MARCHF8: variants seen among roughly 807,000 people sequenced by gnomAD.
MARCHF8 encodes E3 ubiquitin-protein ligase MARCHF8.
A neutral mutation model predicts 51.6 loss-of-function variants in MARCHF8; 40 were observed. That is an observed-to-expected ratio of 0.77 (90% confidence interval 0.60 to 1.01). The LOEUF is 1.01. MARCHF8 is among the 50% of genes least tolerant of loss of function. The pLI, the probability that MARCHF8 is intolerant of heterozygous loss-of-function variation, is 0.00. For synonymous variants in MARCHF8, 263 were observed against 280.3 expected, an observed-to-expected ratio of 0.94 and a Z score of 0.62; for missense variants, 685 against 708.6, an observed-to-expected ratio of 0.97 and a Z score of 0.38.
chr10:45,542,514 C>A (rs1236262695), intron 1 of MARCHF8, among the ~76,000 whole-genome samples: 2 of 151,940 alleles, frequency 1.3e-5, no homozygotes, highest in African/African-American at 4.8e-5. Flanking sequence ...TTACTCCAAG[C>A]CTCGATGGGA....
intron 2 of MARCHF8, among the ~76,000 whole-genome samples, chr10:45,520,195 T>C (rs552510213): frequency 4.6e-5 from 7 of 152,342 alleles, no homozygotes; most frequent in Non-Finnish European, 8.8e-5. Flanking sequence ...AGTTAACATA[T>C]GGAAAGTCCT....
chr10:45,458,486 C>T lies in MARCHF8; in HGVS notation c.1475G>A (p.Gly492Glu), dbSNP rs749955736. Residue 492 changes from glycine to glutamate, a missense_variant, in exon 8 of 8, where the codon GGA becomes GAA. Physicochemically the swap from Gly to Glu is moderately conservative, Grantham distance 98. Coordinates refer to ENST00000453424, the MANE Select transcript of MARCHF8 (RefSeq NM_001282866.2). ...CTGAACATACATAAAAAGAAGTCCT[C>T]CGGTGAAGCCGATGGCCACAACCAC... ...KLVVVAIGFT[G>E]GLLFMYVQCK... 1.2e-6 allele frequency: 2 copies of T among 1,612,132 alleles called. No homozygotes were observed. Among genetic ancestry groups the T allele is most frequent in the Non-Finnish European group, 1.7e-6 (2 of 1,179,386 alleles).
At chr10:45,530,076 T>A (rs2133266906) in intron 2 of MARCHF8, among the ~76,000 whole-genome samples, 1 of 152,340 alleles carries the variant, frequency 6.6e-6, no homozygotes, top group African/African-American at 2.4e-5. Context: ...GTAATCCACA[T>A]CATGGAATAC....
intron 1 of MARCHF8, among the ~76,000 whole-genome samples, chr10:45,580,622 A>C (rs1397723359): frequency 2.0e-5 from 3 of 152,212 alleles, no homozygotes; most frequent in Non-Finnish European, 2.9e-5. Context: ...CTGAAAACTG[A>C]AACTATATTG....
intron 1 of MARCHF8, among the ~76,000 whole-genome samples, chr10:45,546,137 T>TA (rs1242609288): frequency 2.0e-5 from 3 of 146,614 alleles, no homozygotes; most frequent in Admixed American, 6.7e-5. Context: ...ATGAGCTGAA[T>TA]TTTTATTTAT....
rs748765552 is a variant in MARCHF8 at position 45,533,130 on chromosome 10, C to G, written c.82G>C (p.Glu28Gln). 7.5e-6 allele frequency: 12 copies of G among 1,608,934 alleles called. No individual in the cohort carries two copies. Among genetic ancestry groups the G allele is most frequent in the Non-Finnish European group, 9.3e-6 (11 of 1,178,274 alleles). ...AGTACCTGTTCTTCCCTCTCCTTTT[C>G]TTTGGTCTTACTTCTGTAGACTCTA... is the stretch of plus-strand genomic sequence containing the variant. ...SARVYRSKTK[E>Q]KEREEQNEKT... Residue 28 changes from glutamate to glutamine, a missense_variant, in exon 2 of 8, where the codon GAA (glutamate) becomes CAA (glutamine). Transcript: ENST00000453424.
chr10:45,585,564 T>C (rs1341030005), intron 1 of MARCHF8, among the ~76,000 whole-genome samples: 1 of 152,088 alleles, frequency 6.6e-6, no homozygotes, highest in Non-Finnish European at 1.5e-5. Context: ...GTGGTAAAAC[T>C]ATAGCAATGA....
chr10:45,571,835 C>T (rs1016220742), intron 1 of MARCHF8, among the ~76,000 whole-genome samples: 1 of 152,172 alleles, frequency 6.6e-6, no homozygotes, highest in South Asian at 2.1e-4. Context: ...AGTTCCTTTC[C>T]TTTTCTGGTA....
At chr10:45,581,803 T>G (rs2044558502) in intron 1 of MARCHF8, among the ~76,000 whole-genome samples, 1 of 152,144 alleles carries the variant, frequency 6.6e-6, no homozygotes, top group African/African-American at 2.4e-5. Flanking sequence ...CAGCTTAGTT[T>G]ACGGGGAAAG....
intron 6 of MARCHF8, 143 bp downstream of exon 6, chr10:45,461,088 A>C (rs1842770074): frequency 4.0e-6 from 2 of 500,972 alleles, no homozygotes; most frequent in African/African-American, 4.0e-5. Context: ...AGAAACAACA[A>C]TCTCTACAAT....
At chr10:45,520,910 TCA>T (rs1302424346) in intron 2 of MARCHF8, among the ~76,000 whole-genome samples, 1 of 152,224 alleles carries the variant, frequency 6.6e-6, no homozygotes, top group Admixed American at 6.5e-5. Context: ...CTGAAAGAAA[TCA>T]CAAAATACTT....
intron 3 of MARCHF8, among the ~76,000 whole-genome samples, chr10:45,483,774 T>G (rs899561896): frequency 6.7e-6 from 1 of 148,920 alleles, no homozygotes; most frequent in Non-Finnish European, 1.5e-5. Context: ...GCAACATGGA[T>G]GGAGGTCATT....
intron 1 of MARCHF8, among the ~76,000 whole-genome samples, chr10:45,586,544 T>C (rs965828996): frequency 2.0e-5 from 3 of 152,144 alleles, no homozygotes; most frequent in African/African-American, 7.2e-5. Flanking sequence ...TTTAAGTTAA[T>C]AGGAAACTGT....
Position 45,461,226 on chromosome 10 carries a change from C to A in MARCHF8, c.1269+5G>T, listed in dbSNP as rs750581923. 2.0e-6 allele frequency: 3 copies of A among 1,506,634 alleles called. No homozygotes were observed. The highest frequency in any genetic ancestry group is 2.8e-5 in the African/African-American group (2 of 70,224). 93.3% of individuals were successfully genotyped at this position (1,506,634 alleles called of 1,614,324 possible). On this transcript the variant is annotated splice_donor_5th_base_variant and intron_variant, in intron 6 of 7. Coordinates refer to ENST00000453424, the MANE Select transcript of MARCHF8 (RefSeq NM_001282866.2). The stretch of plus-strand genomic sequence containing the variant: ...AAGGGTGAAGCATCCCTTCCTCCCA[C>A]GTACTTTTCTCAGTGGCTTCAGCTT...
intron 3 of MARCHF8, among the ~76,000 whole-genome samples, chr10:45,466,878 G>T (rs940294350): frequency 3.3e-5 from 5 of 152,208 alleles, no homozygotes; most frequent in African/African-American, 1.2e-4. Context: ...GAGGAGCAAG[G>T]CCTGAAGGTA....
chr10:45,518,927 G>A (rs1024235238), intron 2 of MARCHF8, among the ~76,000 whole-genome samples: 9 of 152,108 alleles, frequency 5.9e-5, no homozygotes, highest in Admixed American at 3.3e-4. Flanking sequence ...CACTGTACTT[G>A]TGAGAGGACC....
Position 45,568,715 on chromosome 10 carries a change from CAAAAAAA to C in MARCHF8, c.-79+25513_-79+25519del, listed in dbSNP as rs71023130. 1.2e-4 allele frequency among the ~76,000 whole-genome samples: 9 copies of C among 75,574 alleles called. No individual in the cohort carries two copies. The South Asian group carries it at 1.7e-3, about 14-fold the overall frequency. The allele number at this position is 75,574 out of a possible 152,430, so 49.6% of individuals were successfully genotyped here. ...GCCTGGTGACAGAGCGAGACTGTTT[CAAAAAAA>C]AAAAAAAAAAAAAAAACCACTAACA... On this transcript the variant is annotated intron_variant, in intron 1 of 6. Coordinates refer to the MARCHF8 transcript ENST00000319836.
chr10:45,560,667 T>C (rs1034893564), intron 1 of MARCHF8, among the ~76,000 whole-genome samples: 10 of 152,134 alleles, frequency 6.6e-5, no homozygotes, highest in Non-Finnish European at 1.3e-4. Context: ...TGCATGTGAG[T>C]GCATTTTTTC....
chr10:45,560,707 G>A (rs554136071), intron 1 of MARCHF8, among the ~76,000 whole-genome samples: 10 of 152,238 alleles, frequency 6.6e-5, no homozygotes, highest in East Asian at 1.9e-4. Context: ...TCTGCGGGTC[G>A]GACCCCACAT....
Sources: gnomAD v4.1 joint callset for allele counts (sites outside exome capture counted in the v4.1 genomes callset) on GRCh38, gnomAD v4.1.1 for gene constraint, MANE v1.5 for transcripts, NCBI Gene and HGNC (gene_info 2026-07-23, HGNC 2026-07-21) for gene names.